Variants in KCNH5 observed in about 807,000 individuals in gnomAD.
The protein encoded by KCNH5 is potassium voltage-gated channel subfamily H member 5.
A neutral mutation model predicts 96.1 loss-of-function variants in KCNH5; 46 were observed. That is an observed-to-expected ratio of 0.48 (90% CI 0.38 to 0.61). KCNH5 has a LOEUF of 0.61. KCNH5 is among the 20% of genes least tolerant of loss of function. The probability of loss-of-function intolerance (pLI) is 0.00; values close to 1 mark genes in which losing one functional copy is unlikely to be tolerated. For synonymous variants in KCNH5, 439 were observed against 449.8 expected, an observed-to-expected ratio of 0.98 and a Z score of 0.30; for missense variants, 907 against 1,225.8, an observed-to-expected ratio of 0.74 and a Z score of 3.88.
At chr14:62,958,001 GA>G (rs1239369988) in intron 6 of KCNH5, among the ~76,000 whole-genome samples, 3 of 152,154 alleles carry the variant, frequency 2.0e-5, no homozygotes, top group Non-Finnish European at 4.4e-5. Context: ...AAAAATGTAA[GA>G]AAAGTGCATA....
intron 8 of KCNH5, among the ~76,000 whole-genome samples, chr14:62,833,134 C>A (rs1323259065): frequency 6.7e-6 from 1 of 149,286 alleles, no homozygotes; most frequent in African/African-American, 2.4e-5. Flanking sequence ...TGTAGTCCCA[C>A]TATTCTCTGT....
chr14:62,707,819 C>T lies in KCNH5; in HGVS notation c.2656G>A (p.Glu886Lys), dbSNP rs201392957. The T allele has an allele frequency of 6.2e-7, 1 of 1,614,106 alleles. No individual in the cohort carries two copies. The highest frequency in any genetic ancestry group is 2.2e-5 in the East Asian group (1 of 44,866). The change falls in exon 11 of 11, where the codon GAG (glutamate) becomes AAG (lysine). Residue 886 changes from glutamate (E) to lysine (K), a missense_variant. Glu to Lys is a moderately conservative substitution (Grantham distance 56). Around this residue, in one of 6 missense-constraint regions of KCNH5, gnomAD observed 362 missense variants for 394.4 expected, o/e 0.92. Transcript: ENST00000322893. ...DKAGEARSPL[E>K]HSPIQADAKH... ...GCATCAGCCTGGATGGGACTGTGCT[C>T]TAGCGGACTTCGGGCCTCCCCAGCC...
chr14:63,017,922 A>G (rs1891355829), intron 1 of KCNH5, among the ~76,000 whole-genome samples: 1 of 145,012 alleles, frequency 6.9e-6, no homozygotes, highest in Admixed American at 6.9e-5. Flanking sequence ...GCAATTTAAC[A>G]TTTATTAAGT....
At chr14:62,840,557 CTTTTTTTTCTTTTTTT>C (rs1887559593) in intron 8 of KCNH5, among the ~76,000 whole-genome samples, 1 of 108,738 alleles carries the variant, frequency 9.2e-6, no homozygotes, top group Admixed American at 1.1e-4. Flanking sequence ...TTTCTTTTTT[CTTTTTTTTCTTTTTTT>C]TTTTTTTTTT....
chr14:62,962,252 A>G (rs1023474539), intron 6 of KCNH5, among the ~76,000 whole-genome samples: 5 of 152,166 alleles, frequency 3.3e-5, no homozygotes, highest in Non-Finnish European at 5.9e-5. Context: ...TGACCAGGAC[A>G]TCATTTGGTT....
At chr14:62,768,499 C>T (rs1371138827) in intron 10 of KCNH5, among the ~76,000 whole-genome samples, 2 of 152,104 alleles carry the variant, frequency 1.3e-5, no homozygotes, top group Non-Finnish European at 2.9e-5. Context: ...AACAGTCTAG[C>T]GTCCAGCTAA....
chr14:62,891,667 G>A (rs955671979), intron 7 of KCNH5, among the ~76,000 whole-genome samples: 2 of 152,056 alleles, frequency 1.3e-5, no homozygotes, highest in Non-Finnish European at 2.9e-5. Context: ...CAAATTAAAG[G>A]TTGTGGCAGC....
chr14:62,916,812 ATCGTTTACGGCTC>A (rs1327757748), intron 7 of KCNH5, among the ~76,000 whole-genome samples: 5 of 152,208 alleles, frequency 3.3e-5, no homozygotes, highest in Admixed American at 2.6e-4. Context: ...CAGTCTTCTC[ATCGTTTACGGCTC>A]TCAGTCCCAA....
intron 8 of KCNH5, among the ~76,000 whole-genome samples, chr14:62,842,079 G>T (rs1043884176): frequency 6.6e-6 from 1 of 152,140 alleles, no homozygotes; most frequent in Non-Finnish European, 1.5e-5. Context: ...CCAAAGATAG[G>T]TTTGAATCAA....
At chr14:62,935,555 C>T (rs982319864) in intron 7 of KCNH5, among the ~76,000 whole-genome samples, 11 of 152,112 alleles carry the variant, frequency 7.2e-5, no homozygotes, top group African/African-American at 2.7e-4. Context: ...ATTTTTCCCA[C>T]AGAGCTAGGA....
intron 6 of KCNH5, among the ~76,000 whole-genome samples, chr14:62,970,044 T>TAAAAAAAAAAA (rs373852520): frequency 1.2e-3 from 38 of 30,414 alleles, no homozygotes; most frequent in African/African-American, 2.6e-3. Context: ...AGACTCCGTC[T>TAAAAAAAAAAA]AAAAAAAAAA....
At chr14:62,824,324 C>T (rs1371567748) in intron 8 of KCNH5, among the ~76,000 whole-genome samples, 2 of 151,682 alleles carry the variant, frequency 1.3e-5, no homozygotes, top group East Asian at 1.9e-4. Context: ...TCTTAAGCAC[C>T]ACAGGTCAAA....
In KCNH5 at chr14:63,034,161, G is replaced by A. The variant is rs137931936; in HGVS notation, c.73+10953C>T. Among the ~76,000 whole-genome samples, 520 of 152,172 alleles carry A rather than the reference G, an allele frequency of 3.4e-3. 16 individuals carry two copies. In the East Asian group the frequency reaches 0.071, roughly 21 times the overall value. ...TCTCGATCTCCTGACCTCGTGATCC[G>A]CCTGCCTCGGCCTTCCAAAGTGCTG... On this transcript the variant is annotated intron_variant, in intron 1 of 10. Coordinates refer to ENST00000322893, the MANE Select transcript of KCNH5 (RefSeq NM_139318.5).
At chr14:62,793,144 G>C (rs1207679342) in intron 9 of KCNH5, among the ~76,000 whole-genome samples, 1 of 151,712 alleles carries the variant, frequency 6.6e-6, no homozygotes, top group African/African-American at 2.4e-5. Flanking sequence ...GGGCTTGGAA[G>C]ATGGGGGAAA....
chr14:62,811,238 T>C (rs1237739327), intron 8 of KCNH5, among the ~76,000 whole-genome samples: 1 of 152,124 alleles, frequency 6.6e-6, no homozygotes, highest in Non-Finnish European at 1.5e-5. Context: ...AACACATATA[T>C]TATCATGTCA....
chr14:63,037,587 C>A (rs926152877), intron 1 of KCNH5, among the ~76,000 whole-genome samples: 1 of 152,020 alleles, frequency 6.6e-6, no homozygotes, highest in Admixed American at 6.6e-5. Flanking sequence ...AATTTTCCCC[C>A]AAATTTAAAA....
At chr14:63,034,179 A>G (rs939599327) in intron 1 of KCNH5, among the ~76,000 whole-genome samples, 1 of 152,250 alleles carries the variant, frequency 6.6e-6, no homozygotes, top group African/African-American at 2.4e-5. Context: ...CGGCCTTCCA[A>G]AGTGCTGGGA....
At chr14:62,983,231 G>T (rs371982195) in intron 5 of KCNH5, among the ~76,000 whole-genome samples, 35 of 151,902 alleles carry the variant, frequency 2.3e-4, no homozygotes, top group African/African-American at 8.4e-4. Flanking sequence ...AAAATTAGCC[G>T]GGCTTGTTGG....
Position 62,702,542 on chromosome 14 carries a change from T to C in KCNH5, c.*4966A>G, listed in dbSNP as rs773465724. Reference sequence around the variant, plus strand: ...CTGGACAAGTTCCTTAACCTATACCTTCATGGGGTTGCTGCAAGAATTAAA... The same window carrying C: ...CTGGACAAGTTCCTTAACCTATACCCTCATGGGGTTGCTGCAAGAATTAAA... On this transcript the variant is annotated 3_prime_UTR_variant, in exon 11 of 11. Transcript: ENST00000322893. 6.6e-6 allele frequency: 1 copy of C among 152,060 alleles called. No homozygotes were observed. Among genetic ancestry groups the C allele is most frequent in the South Asian group, 2.1e-4 (1 of 4,810 alleles). 9.4% of individuals were successfully genotyped at this position (152,060 alleles called of 1,614,324 possible).
Sources: gnomAD v4.1 joint callset for allele counts (sites outside exome capture counted in the v4.1 genomes callset) on GRCh38, gnomAD v4.1.1 for gene constraint, gnomAD v4.1.1 regional missense constraint, MANE v1.5 for transcripts, NCBI Gene and HGNC (gene_info 2026-07-23, HGNC 2026-07-21) for gene names.